The following PTPRT variants were observed in gnomAD, a reference collection of about 807,000 sequenced individuals.
PTPRT encodes protein tyrosine phosphatase receptor type T.
A neutral mutation model predicts 176.8 loss-of-function variants in PTPRT; 56 were observed. That is an observed-to-expected ratio of 0.32 (90% CI 0.26 to 0.40). The LOEUF (loss-of-function observed/expected upper bound fraction) is 0.40, where lower values mean the gene tolerates loss of function less well. Among genes scored for constraint, PTPRT ranks in the 10% least tolerant of loss-of-function variants. The pLI is 1.00. For missense variants in PTPRT, 1,540 were observed against 1,908.2 expected (o/e 0.81, Z 3.60); for synonymous variants, 783 against 739.0 (o/e 1.06, Z -0.96).
At chr20:42,841,955 C>T (rs2078286622) in intron 2 of PTPRT, among the ~76,000 whole-genome samples, 1 of 152,232 alleles carries the variant, frequency 6.6e-6, no homozygotes, top group African/African-American at 2.4e-5. Flanking sequence ...CTTTGCCCTG[C>T]TCCCCACTTC....
At chr20:43,087,910 G>A (rs1344753497) in intron 1 of PTPRT, among the ~76,000 whole-genome samples, 1 of 152,166 alleles carries the variant, frequency 6.6e-6, no homozygotes, top group African/African-American at 2.4e-5. Context: ...ATGGATGGGA[G>A]CGAGATTCAT....
At chr20:42,448,665 C>T (rs779901036) in intron 8 of PTPRT, among the ~76,000 whole-genome samples, 1 of 152,052 alleles carries the variant, frequency 6.6e-6, no homozygotes, top group African/African-American at 2.4e-5. Flanking sequence ...CTGAGCAAGT[C>T]GGTTTATGAA....
At chr20:42,707,486 GA>G (rs1311030524) in intron 6 of PTPRT, among the ~76,000 whole-genome samples, 2 of 152,184 alleles carry the variant, frequency 1.3e-5, no homozygotes, top group Non-Finnish European at 2.9e-5. Context: ...TGTGGTGTCA[GA>G]ACATTTTTAT....
chr20:42,152,353 A>G (rs1418794417), intron 17 of PTPRT, among the ~76,000 whole-genome samples: 1 of 152,250 alleles, frequency 6.6e-6, no homozygotes, highest in Non-Finnish European at 1.5e-5. Context: ...TGGCATCAGG[A>G]GAGCAAATAT....
intron 7 of PTPRT, among the ~76,000 whole-genome samples, chr20:42,573,691 A>G (rs1568987770): frequency 1.3e-5 from 2 of 151,148 alleles, no homozygotes. Flanking sequence ...GGGGGATGAT[A>G]CAACCCCGTT....
intron 9 of PTPRT, among the ~76,000 whole-genome samples, chr20:42,355,563 T>C (rs112192763): frequency 5.6e-4 from 85 of 152,138 alleles, no homozygotes; most frequent in African/African-American, 2.0e-3. Flanking sequence ...GGGAAAAGGT[T>C]TGGACAGAGC....
intron 15 of PTPRT, among the ~76,000 whole-genome samples, chr20:42,204,907 T>C (rs554976238): frequency 7.3e-5 from 11 of 151,714 alleles, no homozygotes; most frequent in African/African-American, 2.2e-4. Context: ...ATGCATCTGA[T>C]GGTTGGGTCT....
At chr20:43,130,951 C>T (rs1385532302) in intron 1 of PTPRT, among the ~76,000 whole-genome samples, 1 of 152,184 alleles carries the variant, frequency 6.6e-6, no homozygotes, top group Non-Finnish European at 1.5e-5. Flanking sequence ...GCAGAGACAG[C>T]TGGCTAAGCA....
intron 1 of PTPRT, among the ~76,000 whole-genome samples, chr20:43,052,172 A>G (rs1401422912): frequency 2.6e-5 from 4 of 152,242 alleles, no homozygotes; most frequent in Non-Finnish European, 4.4e-5. Flanking sequence ...CCAGCTTCCC[A>G]TACTGGCATG....
At chr20:42,214,440 C>T (rs1219782283) in intron 15 of PTPRT, among the ~76,000 whole-genome samples, 6 of 152,318 alleles carry the variant, frequency 3.9e-5, no homozygotes, top group East Asian at 3.9e-4. Context: ...GGTCCTTTCC[C>T]TCCTGCCCCA....
intron 7 of PTPRT, among the ~76,000 whole-genome samples, chr20:42,600,666 G>T (rs1389491629): frequency 1.3e-5 from 2 of 152,064 alleles, no homozygotes; most frequent in Non-Finnish European, 2.9e-5. Flanking sequence ...CTGTACGCCT[G>T]TGTGAACCCG....
intron 2 of PTPRT, among the ~76,000 whole-genome samples, chr20:42,829,301 C>T (rs556335823): frequency 2.2e-4 from 33 of 152,332 alleles, no homozygotes; most frequent in Admixed American, 6.5e-4. Context: ...TCCACTGTAT[C>T]TGGGAAGTAA....
At chr20:42,065,927 G>T in the PTPRT span, among the ~76,000 whole-genome samples, 1 of 65,174 alleles carries the variant, frequency 1.5e-5, no homozygotes, top group Non-Finnish European at 3.0e-5. Flanking sequence ...TTTGTCAAAT[G>T]TTTTTTAAGT....
chr20:42,350,161 G>T (rs1373367377), intron 11 of PTPRT, among the ~76,000 whole-genome samples: 1 of 148,038 alleles, frequency 6.8e-6, no homozygotes, highest in Non-Finnish European at 1.5e-5. Flanking sequence ...CCATAAACAT[G>T]TTCCAGGAAG....
intron 13 of PTPRT, among the ~76,000 whole-genome samples, chr20:42,278,361 G>A (rs184723305): frequency 6.9e-6 from 1 of 145,804 alleles, no homozygotes; most frequent in East Asian, 2.0e-4. Context: ...CCCAAGCTTG[G>A]GAGGAGTTTG....
intron 1 of PTPRT, among the ~76,000 whole-genome samples, chr20:43,122,180 C>A (rs549773711): frequency 6.6e-6 from 1 of 152,316 alleles, no homozygotes; most frequent in East Asian, 1.9e-4. Flanking sequence ...AGGATGCCAG[C>A]CCAGGGACCA....
intron 1 of PTPRT, among the ~76,000 whole-genome samples, chr20:43,021,277 C>A (rs945741856): frequency 1.3e-5 from 2 of 152,070 alleles, no homozygotes; most frequent in Non-Finnish European, 2.9e-5. Context: ...GAGAGAGGCC[C>A]TACAGAAGGC....
intron 11 of PTPRT, among the ~76,000 whole-genome samples, chr20:42,333,906 C>T (rs1044813754): frequency 6.6e-6 from 1 of 152,096 alleles, no homozygotes; most frequent in Admixed American, 6.5e-5. Context: ...GTCTTGATCT[C>T]CTGACCTCAA....
intron 7 of PTPRT, among the ~76,000 whole-genome samples, chr20:42,559,059 C>T (rs866205847): frequency 6.6e-6 from 1 of 152,156 alleles, no homozygotes; most frequent in Non-Finnish European, 1.5e-5. Context: ...TGTTCCTGCA[C>T]GGTCTTTCCA....
Sources: gnomAD v4.1 joint callset for allele counts (sites outside exome capture counted in the v4.1 genomes callset) on GRCh38, gnomAD v4.1.1 for gene constraint, MANE v1.5 for transcripts, NCBI Gene and HGNC (gene_info 2026-07-23, HGNC 2026-07-21) for gene names.